The following DOCK4 variants were observed in gnomAD, a reference collection of about 807,000 sequenced individuals.
DOCK4 encodes the protein dedicator of cytokinesis protein 4.
In DOCK4, 97 loss-of-function variants were observed where a neutral mutation model predicts 268.1. The ratio of observed to expected loss-of-function variants is 0.36; its 90% CI spans 0.31 to 0.43. The LOEUF (loss-of-function observed/expected upper bound fraction) is 0.43, where lower values mean the gene tolerates loss of function less well. Ranked by LOEUF, DOCK4 falls within the 20% of genes least tolerant of loss-of-function variation. The pLI is 1.00. For synonymous variants in DOCK4, 954 were observed against 887.2 expected, an observed-to-expected ratio of 1.08 and a Z score of -1.34; for missense variants, 2,145 against 2,455.7, an observed-to-expected ratio of 0.87 and a Z score of 2.67.
intron 28 of DOCK4, among the ~76,000 whole-genome samples, chr7:111,811,085 C>T (rs896321377): frequency 2.0e-5 from 3 of 151,984 alleles, no homozygotes; most frequent in Admixed American, 6.6e-5. Flanking sequence ...TTTTATTTTA[C>T]AAGAATGTAC....
intron 39 of DOCK4, among the ~76,000 whole-genome samples, chr7:111,760,738 TTGTGTGTGTGTGTGTG>T (rs3997406): frequency 2.9e-4 from 40 of 137,002 alleles, no homozygotes; most frequent in South Asian, 7.8e-4. Flanking sequence ...TGTCTGCTTT[TTGTGTGTGTGTGTGTG>T]TGTGTGTGTG....
At chr7:111,740,820 G>T (rs1259014898) in intron 47 of DOCK4, among the ~76,000 whole-genome samples, 1 of 147,386 alleles carries the variant, frequency 6.8e-6, no homozygotes, top group Non-Finnish European at 1.5e-5. Flanking sequence ...GACTGCAGAA[G>T]GAACTTGGGG....
intron 27 of DOCK4, among the ~76,000 whole-genome samples, chr7:111,815,647 TC>T (rs1801489000): frequency 2.2e-5 from 1 of 45,320 alleles, no homozygotes; most frequent in Non-Finnish European, 4.4e-5. Context: ...TCCCCTCCCC[TC>T]CCCTCCCCTC....
rs2133343038 is a variant in DOCK4, at chr7:111,728,468, A to G, written c.5734T>C (p.Tyr1912His). 6.2e-7 allele frequency: 1 copy of G among 1,611,294 alleles called. No individual in the cohort carries two copies. The highest frequency in any genetic ancestry group is 1.3e-5 in the African/African-American group (1 of 75,052). ...CGCAGAGTCCGCTCGTAGACGCTGT[A>G]CGGGGGCGGAGTCTTGCTCTCCTTG... ...VRKESKTPPP[Y>H]SVYERTLRRP... Residue 1912 changes from tyrosine (Y) to histidine (H), a missense_variant, in exon 53 of 53, where the codon TAC becomes CAC. Coordinates refer to ENST00000428084, the MANE Select transcript of DOCK4 (RefSeq NM_001363540.2).
At chr7:112,152,055 A>C (rs1816146967) in intron 1 of DOCK4, among the ~76,000 whole-genome samples, 1 of 152,142 alleles carries the variant, frequency 6.6e-6, no homozygotes. Flanking sequence ...AAAACCAAAA[A>C]TTCATTAAAA....
intron 32 of DOCK4, chr7:111,784,481 C>T: frequency 2.0e-6 from 1 of 501,652 alleles, no homozygotes; most frequent in Non-Finnish European, 3.9e-6. Flanking sequence ...GCGTTTTTTC[C>T]TTTCACTTAA....
At chr7:111,791,671 C>T (rs140627222) in intron 30 of DOCK4, among the ~76,000 whole-genome samples, 4,568 of 152,240 alleles carry the variant, frequency 0.03, 106 homozygotes, top group South Asian at 0.055. Context: ...TGGTATCAAA[C>T]TCCTGACCTC....
chr7:112,115,266 T>C (rs1014635267), intron 1 of DOCK4, among the ~76,000 whole-genome samples: 3 of 152,212 alleles, frequency 2.0e-5, no homozygotes, highest in African/African-American at 7.2e-5. Context: ...TTAGAGACTT[T>C]TACTTAATTT....
chr7:111,760,738 T>TTGTG lies in DOCK4; in HGVS notation c.4021-420_4021-417dup, dbSNP rs3997406. Among the ~76,000 whole-genome samples the TTGTG allele has an allele frequency of 1.7e-3, 238 of 136,982 alleles. 2 individuals carry two copies. Among genetic ancestry groups the TTGTG allele is most frequent in the African/African-American group, 5.5e-3 (198 of 35,686 alleles). The allele number at this position is 136,982 out of a possible 152,430, so 89.9% of individuals were successfully genotyped here. A position where few individuals can be genotyped will look rare whatever the true frequency, so the allele number is the denominator to read the frequency against. On this transcript the variant is annotated intron_variant, in intron 39 of 52. Coordinates refer to ENST00000428084, the MANE Select transcript of DOCK4 (RefSeq NM_001363540.2). The stretch of plus-strand genomic sequence containing the variant: ...GAAAAGTAAATTTGTTGTCTGCTTT[T>TTGTG]TGTGTGTGTGTGTGTGTGTGTGTGT...
chr7:112,081,592 C>A (rs1808590109), intron 1 of DOCK4, among the ~76,000 whole-genome samples: 1 of 152,156 alleles, frequency 6.6e-6, no homozygotes, highest in Non-Finnish European at 1.5e-5. Flanking sequence ...AAAGGTCTTG[C>A]AACTTATTTT....
chr7:111,749,082 T>C (rs1184455246), intron 42 of DOCK4, among the ~76,000 whole-genome samples: 1 of 152,134 alleles, frequency 6.6e-6, no homozygotes, highest in African/African-American at 2.4e-5. Context: ...GAAGTCAGGA[T>C]AGTGACTACT....
intron 52 of DOCK4, among the ~76,000 whole-genome samples, chr7:111,729,618 G>T (rs373804581): frequency 2.0e-5 from 3 of 152,084 alleles, no homozygotes; most frequent in East Asian, 3.9e-4. Flanking sequence ...GGAAGAGAGG[G>T]AACTGGCCAA....
At chr7:112,046,484 T>C (rs576520246) in intron 1 of DOCK4, among the ~76,000 whole-genome samples, 2 of 152,284 alleles carry the variant, frequency 1.3e-5, no homozygotes, top group East Asian at 3.9e-4. Flanking sequence ...AACCCTTCAA[T>C]GGACATGTCT....
At chr7:112,174,820 A>G (rs12667183) in intron 1 of DOCK4, among the ~76,000 whole-genome samples, 73,440 of 151,592 alleles carry the variant, frequency 0.48, 20,939 homozygotes, top group East Asian at 0.73. Flanking sequence ...CATTTTCACT[A>G]GATGATGTTT....
At chr7:111,751,878 G>A (rs1042085016) in intron 42 of DOCK4, among the ~76,000 whole-genome samples, 2 of 152,034 alleles carry the variant, frequency 1.3e-5, no homozygotes, top group African/African-American at 4.8e-5. Flanking sequence ...TCAACTTCTG[G>A]AGTAGGAGGT....
At chr7:111,948,807 C>G (rs988232504) in intron 8 of DOCK4, among the ~76,000 whole-genome samples, 1 of 151,642 alleles carries the variant, frequency 6.6e-6, no homozygotes, top group African/African-American at 2.4e-5. Flanking sequence ...GTTAGTCAGG[C>G]TGGTCTCGAA....
At chr7:112,018,155 A>C (rs1368895590) in intron 1 of DOCK4, among the ~76,000 whole-genome samples, 11 of 134,164 alleles carry the variant, frequency 8.2e-5, no homozygotes, top group African/African-American at 3.2e-4. Flanking sequence ...AAAAAAAAAA[A>C]AAAAAAAAAA....
intron 50 of DOCK4, 82 bp from the exon 51 acceptor site, chr7:111,735,249 T>A: frequency 2.1e-6 from 2 of 950,966 alleles, no homozygotes; most frequent in Non-Finnish European, 3.1e-6. Context: ...AAGTCAGAAT[T>A]ATCCAGAATG....
At chr7:112,014,191 ACACAGTT>A (rs1036954709) in intron 1 of DOCK4, among the ~76,000 whole-genome samples, 45 of 152,350 alleles carry the variant, frequency 3.0e-4, no homozygotes, top group African/African-American at 9.4e-4. Flanking sequence ...TTGCTACAAA[ACACAGTT>A]CAGAATGTGT....
Sources: gnomAD v4.1 joint callset for allele counts (sites outside exome capture counted in the v4.1 genomes callset) on GRCh38, gnomAD v4.1.1 for gene constraint, MANE v1.5 for transcripts, NCBI Gene and HGNC (gene_info 2026-07-23, HGNC 2026-07-21) for gene names.